The following PCDHGB4 variants were observed in gnomAD, a reference collection of about 807,000 sequenced individuals.
The protein encoded by PCDHGB4 is protocadherin gamma subfamily B, 4.
PCDHGB4 carries 38 observed loss-of-function variants against 60.5 expected under a neutral mutation model. The observed-to-expected ratio is 0.63, with a 90% confidence interval of 0.48 to 0.82. The LOEUF is 0.82. PCDHGB4 is among the 40% of genes least tolerant of loss of function. The pLI is 0.00. For missense variants in PCDHGB4, 1,109 were observed against 1,209.6 expected, an observed-to-expected ratio of 0.92 and a Z score of 1.23; for synonymous variants, 456 against 509.7, an observed-to-expected ratio of 0.89 and a Z score of 1.42.
At chr5:141,501,540 A>G (rs151047391) in intron 2 of PCDHGB4, among the ~76,000 whole-genome samples, 2 of 152,138 alleles carry the variant, frequency 1.3e-5, no homozygotes, top group East Asian at 3.9e-4. Flanking sequence ...GTTGTTGTGC[A>G]TAAGATCATA....
chr5:141,483,303 T>A (rs1222660132), intron 1 of PCDHGB4, among the ~76,000 whole-genome samples: 1 of 152,146 alleles, frequency 6.6e-6, no homozygotes, highest in Non-Finnish European at 1.5e-5. Context: ...GTGAAGGGAC[T>A]GGGGACATTG....
intron 1 of PCDHGB4, chr5:141,408,375 T>C: frequency 6.2e-7 from 1 of 1,613,972 alleles, no homozygotes; most frequent in Non-Finnish European, 8.5e-7. Context: ...GGGCTCAGTG[T>C]CCTGGATGTG....
rs1177173734 is a variant in PCDHGB4, at chr5:141,491,741, G to A, written c.2398-3066G>A. ...CCGCCCCGGGCGACCCCTGGGGGCG[G>A]CACTGGAGAAGCCGCCCGTCCTCAT... On this transcript the variant is annotated intron_variant, in intron 1 of 3. Coordinates refer to ENST00000519479, the MANE Select transcript of PCDHGB4 (RefSeq NM_003736.4). The surrounding 1 kb of genome is among the most constrained non-coding windows in gnomAD (Gnocchi z 6.9). 1.9e-6 allele frequency: 3 copies of A among 1,595,644 alleles called. No homozygotes were observed. In the South Asian group the frequency reaches 3.4e-5, roughly 18 times the overall value.
intron 2 of PCDHGB4, among the ~76,000 whole-genome samples, chr5:141,501,009 C>T (rs2099804715): frequency 2.0e-5 from 3 of 152,040 alleles, no homozygotes; most frequent in Non-Finnish European, 4.4e-5. Context: ...GCTGGGACTA[C>T]AGGCACGCGC....
chr5:141,490,597 C>T lies in PCDHGB4; in HGVS notation c.2398-4210C>T, dbSNP rs781077720. Reference sequence around the variant, plus strand: ...TTCAGATGTCAATGACAATGCACCCCGCTTCAACCAGCAGCTTTACACTGC... The same window carrying T: ...TTCAGATGTCAATGACAATGCACCCTGCTTCAACCAGCAGCTTTACACTGC... On this transcript the variant is annotated intron_variant, in intron 1 of 3. Coordinates refer to ENST00000519479, the MANE Select transcript of PCDHGB4 (RefSeq NM_003736.4). The surrounding 1 kb of genome is among the most constrained non-coding windows in gnomAD (Gnocchi z 5.4). The T allele has an allele frequency of 1.2e-5, 20 of 1,614,182 alleles. No homozygotes were observed. The highest frequency in any genetic ancestry group is 3.3e-5 in the Admixed American group (2 of 60,026).
At chr5:141,464,091 T>G (rs2099075583) in intron 1 of PCDHGB4, among the ~76,000 whole-genome samples, 1 of 151,812 alleles carries the variant, frequency 6.6e-6, no homozygotes, top group African/African-American at 2.4e-5. Flanking sequence ...ATGGTGAAAC[T>G]CCGTCTCTAC....
chr5:141,477,814 G>C lies in PCDHGB4; in HGVS notation c.2398-16993G>C, dbSNP rs780195618. The C allele has an allele frequency of 1.2e-6, 2 of 1,614,110 alleles. No homozygotes were observed. The highest frequency in any genetic ancestry group is 1.1e-5 in the South Asian group (1 of 91,074). On this transcript the variant is annotated intron_variant, in intron 1 of 3. Coordinates refer to ENST00000519479, the MANE Select transcript of PCDHGB4 (RefSeq NM_003736.4). The surrounding 1 kb of genome is among the most constrained non-coding windows in gnomAD (Gnocchi z 4.9). ...CTGATCGCAATGACAATGCCCCCCA[G>C]GTCCTATATCCTCGGCCAGGTGGGA... is the stretch of plus-strand genomic sequence containing the variant.
chr5:141,471,208 C>G (rs559571022), intron 1 of PCDHGB4: 1 of 151,664 alleles, frequency 6.6e-6, no homozygotes, highest in Non-Finnish European at 1.5e-5. Context: ...CACCCCCATG[C>G]CTGGCAATTT....
chr5:141,418,105 G>A lies in PCDHGB4; in HGVS notation c.2397+27824G>A, dbSNP rs971913143. On this transcript the variant is annotated intron_variant, in intron 1 of 3. Transcript: ENST00000519479. ...ACTTCAGCGTAGACGCGCAGAGCGG[G>A]GACTTACTTGTGAAGGACCGAATAG... 5 of 1,614,062 alleles carry A rather than the reference G, an allele frequency of 3.1e-6. No homozygotes were observed. The East Asian group carries it at 8.9e-5, about 29-fold the overall frequency.
intron 1 of PCDHGB4, among the ~76,000 whole-genome samples, chr5:141,446,758 C>A (rs776925316): frequency 6.6e-6 from 1 of 152,326 alleles, no homozygotes; most frequent in Non-Finnish European, 1.5e-5. Flanking sequence ...TGAGCCACCG[C>A]GCCCAGCCGG....
In PCDHGB4 at chr5:141,422,884, G is replaced by C. The variant is rs202035589; in HGVS notation, c.2397+32603G>C. On this transcript the variant is annotated intron_variant, in intron 1 of 3. Transcript: ENST00000519479. ...CAGCAACGTGTCGCTGAGCCTGTTC[G>C]TGCTGGACCAGAACGACAATGCGCC... The C allele has an allele frequency of 1.7e-4, 278 of 1,614,240 alleles. No homozygotes were observed. The African/African-American group carries it at 2.0e-3, about 12-fold the overall frequency.
At chr5:141,420,046 A>G (rs772981030) in intron 1 of PCDHGB4, 6 of 1,614,048 alleles carry the variant, frequency 3.7e-6, no homozygotes, top group South Asian at 1.1e-5. Context: ...GCTTTGAGTC[A>G]GTTCTCTGCT....
Position 141,404,841 on chromosome 5 carries a change from G to A in PCDHGB4, c.2397+14560G>A, listed in dbSNP as rs765291212. The stretch of plus-strand genomic sequence containing the variant: ...CACACAGGTGAAGTGCGCACAGCTC[G>A]GGCCCTGCTAGATAGAGATGCGCTC... On this transcript the variant is annotated intron_variant, in intron 1 of 3. Coordinates refer to ENST00000519479, the MANE Select transcript of PCDHGB4 (RefSeq NM_003736.4). 1.1e-5 allele frequency: 17 copies of A among 1,613,886 alleles called. No individual in the cohort carries two copies. Among genetic ancestry groups the A allele is most frequent in the Non-Finnish European group, 1.4e-5 (16 of 1,179,920 alleles).
At position 141,471,885 on chromosome 5, in the gene PCDHGB4, A is replaced by G. The variant is rs180968509; in HGVS notation, c.2398-22922A>G. ...ACTGTGGTTGCCTGAGGCTGAAGCT[A>G]GGAAGATTGACTACAGACAAGCATG... On this transcript the variant is annotated intron_variant, in intron 1 of 3. Transcript: ENST00000519479. Among the ~76,000 whole-genome samples the G allele has an allele frequency of 1.9e-3, 294 of 152,338 alleles. 1 individual carries two copies. Among genetic ancestry groups the G allele is most frequent in the Middle Eastern group, 0.017 (5 of 294 alleles).
At chr5:141,421,469 G>A in intron 1 of PCDHGB4, 1 of 1,614,122 alleles carries the variant, frequency 6.2e-7, no homozygotes, top group Non-Finnish European at 8.5e-7. Flanking sequence ...GTGAATCCGC[G>A]AAGCGGCAGC....
chr5:141,421,910 C>G, intron 1 of PCDHGB4: 1 of 1,613,716 alleles, frequency 6.2e-7, no homozygotes, highest in Non-Finnish European at 8.5e-7. Flanking sequence ...GGCGCAGTTC[C>G]CATTCGTGTG....
In PCDHGB4 at chr5:141,431,320, C is replaced by A. The variant is rs993831541; in HGVS notation, c.2397+41039C>A. ...CCCTCATCGTGCAAAATGGAGCCGA[C>A]GGTAGTAAGTACCCCGAATTGGTGC... On this transcript the variant is annotated intron_variant, in intron 1 of 3. Transcript: ENST00000519479. This position sits in a 1 kb window ranked among gnomAD's most constrained non-coding sequence, Gnocchi z 4.8. 1 of 1,614,102 alleles carries A rather than the reference C, an allele frequency of 6.2e-7. No individual in the cohort carries two copies. The highest frequency in any genetic ancestry group is 1.7e-5 in the Admixed American group (1 of 60,032).
rs567684479 is a variant in PCDHGB4 at position 141,432,875 on chromosome 5, G to T, written c.2397+42594G>T. The T allele has an allele frequency of 6.2e-7, 1 of 1,614,178 alleles. No individual in the cohort carries two copies. Among genetic ancestry groups the T allele is most frequent in the South Asian group, 1.1e-5 (1 of 91,084 alleles). ...GGCCGCGGTCTCCTGCGTCTTCCTG[G>T]CCTTCGTCATCTTGCTGCTGGCGCT... On this transcript the variant is annotated intron_variant, in intron 1 of 3. Coordinates refer to ENST00000519479, the MANE Select transcript of PCDHGB4 (RefSeq NM_003736.4). This position sits in a 1 kb window ranked among gnomAD's most constrained non-coding sequence, Gnocchi z 6.0.
At chr5:141,390,529 T>C in intron 1 of PCDHGB4, 1 of 537,128 alleles carries the variant, frequency 1.9e-6, no homozygotes, top group Non-Finnish European at 3.3e-6. Context: ...GAGGGTGTGG[T>C]TTTAACCACA....
Sources: allele counts gnomAD v4.1 joint callset (sites outside exome capture counted in the v4.1 genomes callset), GRCh38; gene constraint gnomAD v4.1.1; non-coding constraint Gnocchi (gnomAD v3.1); transcripts MANE v1.5; gene names NCBI Gene and HGNC (gene_info 2026-07-23, HGNC 2026-07-21).